PBX1: variants seen among roughly 807,000 people sequenced by gnomAD.
PBX1 encodes the protein PBX homeobox 1, also known as pre-B-cell leukemia transcription factor 1.
Under a neutral mutation model 53.4 loss-of-function variants are expected in PBX1, and 6 were observed. The ratio of observed to expected loss-of-function variants is 0.11; its 90% CI spans 0.06 to 0.22. The LOEUF (loss-of-function observed/expected upper bound fraction) is 0.22. Ranked by LOEUF, PBX1 falls within the 10% of genes least tolerant of loss-of-function variation. The pLI, the probability that PBX1 is intolerant of heterozygous loss-of-function variation, is 1.00. For synonymous variants in PBX1, 204 were observed against 212.3 expected (o/e 0.96, Z 0.34); for missense variants, 251 against 551.4 (o/e 0.46, Z 5.46).
rs183183443 is a variant in PBX1 at position 164,717,585 on chromosome 1, G to A, written c.266-74909G>A. ...GTCGGAGTATGCATTTCAGCTACTCGAGCAGGTGTGCAGTGGCTCCAGAAA... is the reference window on the plus strand; with the variant it reads ...GTCGGAGTATGCATTTCAGCTACTCAAGCAGGTGTGCAGTGGCTCCAGAAA... On this transcript the variant is annotated intron_variant, in intron 2 of 8. Transcript: ENST00000420696. Among the ~76,000 whole-genome samples the A allele has an allele frequency of 7.2e-5, 11 of 152,186 alleles. No homozygotes were observed. The East Asian group carries it at 1.5e-3, about 21-fold the overall frequency.
intron 2 of PBX1, among the ~76,000 whole-genome samples, chr1:164,653,325 A>C (rs1478414151): frequency 6.6e-6 from 1 of 150,766 alleles, no homozygotes; most frequent in Non-Finnish European, 1.5e-5. Context: ...AATACACCAC[A>C]ATTTTTTTAT....
intron 8 of PBX1, among the ~76,000 whole-genome samples, chr1:164,823,366 T>C (rs895132676): frequency 1.3e-5 from 2 of 149,586 alleles, no homozygotes; most frequent in Non-Finnish European, 3.0e-5. Context: ...CACACATGCA[T>C]TTATGTATTT....
chr1:164,710,719 T>C (rs556114538), intron 2 of PBX1, among the ~76,000 whole-genome samples: 1 of 152,288 alleles, frequency 6.6e-6, no homozygotes, highest in East Asian at 1.9e-4. Flanking sequence ...CGGTGCTGGC[T>C]TTCTTTGGTA....
At chr1:164,823,644 C>A (rs1240361746) in intron 8 of PBX1, among the ~76,000 whole-genome samples, 1 of 151,288 alleles carries the variant, frequency 6.6e-6, no homozygotes, top group Non-Finnish European at 1.5e-5. Flanking sequence ...ACTGACCCCT[C>A]TGACATCATC....
intron 4 of PBX1, among the ~76,000 whole-genome samples, chr1:164,802,028 C>T (rs1669105561): frequency 6.6e-6 from 1 of 152,182 alleles, no homozygotes; most frequent in African/African-American, 2.4e-5. Context: ...CTAAACCATG[C>T]ATCTGATGGG....
chr1:164,782,281 G>C (rs1667971917), intron 2 of PBX1, among the ~76,000 whole-genome samples: 1 of 152,134 alleles, frequency 6.6e-6, no homozygotes, highest in Admixed American at 6.5e-5. Context: ...GGTAACCCTG[G>C]CTGGAATTTG....
chr1:164,699,394 C>A (rs906025013), intron 2 of PBX1, among the ~76,000 whole-genome samples: 1 of 152,108 alleles, frequency 6.6e-6, no homozygotes, highest in Non-Finnish European at 1.5e-5. Context: ...GTTCCAGAGT[C>A]TCTGTTGCCT....
At chr1:164,663,391 A>G (rs1660626597) in intron 2 of PBX1, among the ~76,000 whole-genome samples, 1 of 151,946 alleles carries the variant, frequency 6.6e-6, no homozygotes, top group South Asian at 2.1e-4. Flanking sequence ...CAGAGTAGAA[A>G]GTATCTTAGT....
chr1:164,825,432 G>T (rs961640158), intron 8 of PBX1, among the ~76,000 whole-genome samples: 3 of 152,090 alleles, frequency 2.0e-5, no homozygotes, highest in African/African-American at 7.2e-5. Context: ...AAACATGTTC[G>T]TTGAATGAAT....
At chr1:164,718,458 A>G (rs1424297626) in intron 2 of PBX1, among the ~76,000 whole-genome samples, 1 of 152,178 alleles carries the variant, frequency 6.6e-6, no homozygotes, top group Non-Finnish European at 1.5e-5. Flanking sequence ...CCATAGGACT[A>G]ACTCTGGTAC....
chr1:164,791,246 C>A (rs568647065), intron 2 of PBX1, among the ~76,000 whole-genome samples: 1 of 152,192 alleles, frequency 6.6e-6, no homozygotes, highest in Non-Finnish European at 1.5e-5. Flanking sequence ...AAGACTGTCT[C>A]GCTCTTCTGC....
chr1:164,731,519 A>T (rs1664983435), intron 2 of PBX1, among the ~76,000 whole-genome samples: 1 of 152,184 alleles, frequency 6.6e-6, no homozygotes, highest in South Asian at 2.1e-4. Flanking sequence ...AGCAGGGACC[A>T]AGAGGTCCAC....
chr1:164,680,525 A>G (rs1016431748), intron 2 of PBX1: 3 of 152,236 alleles, frequency 2.0e-5, no homozygotes, highest in African/African-American at 7.2e-5. Context: ...CACTACTACA[A>G]TGACTGCTAC....
At chr1:164,611,093 A>G (rs1656891223) in intron 2 of PBX1, among the ~76,000 whole-genome samples, 1 of 152,026 alleles carries the variant, frequency 6.6e-6, no homozygotes, top group African/African-American at 2.4e-5. Flanking sequence ...TTGTCTCCTG[A>G]TCTGAACCCC....
intron 4 of PBX1, among the ~76,000 whole-genome samples, chr1:164,806,968 C>G (rs1571444195): frequency 6.6e-6 from 1 of 152,290 alleles, no homozygotes; most frequent in African/African-American, 2.4e-5. Context: ...GGATTCAAAA[C>G]CAAGATGGGG....
intron 2 of PBX1, among the ~76,000 whole-genome samples, chr1:164,629,933 G>A (rs912874264): frequency 6.6e-6 from 1 of 152,100 alleles, no homozygotes; most frequent in African/African-American, 2.4e-5. Context: ...TATTTTTTAT[G>A]GGCAATATTT....
chr1:164,820,516 C>T (rs1226890139), intron 7 of PBX1, among the ~76,000 whole-genome samples: 2 of 152,142 alleles, frequency 1.3e-5, no homozygotes, highest in Non-Finnish European at 2.9e-5. Flanking sequence ...CAGGATGTTA[C>T]CTCAATTTCC....
At chr1:164,802,183 T>G (rs1306097467) in intron 4 of PBX1, among the ~76,000 whole-genome samples, 1 of 152,246 alleles carries the variant, frequency 6.6e-6, no homozygotes, top group Non-Finnish European at 1.5e-5. Context: ...TGTATTAGCT[T>G]TCTATTGCTG....
At chr1:164,750,455 T>C (rs924055657) in intron 2 of PBX1, among the ~76,000 whole-genome samples, 2 of 149,910 alleles carry the variant, frequency 1.3e-5, no homozygotes, top group Non-Finnish European at 2.9e-5. Flanking sequence ...CTAAAATAAA[T>C]TCTCAATCAG....
Sources: gnomAD v4.1 joint callset for allele counts (sites outside exome capture counted in the v4.1 genomes callset) on GRCh38, gnomAD v4.1.1 for gene constraint, MANE v1.5 for transcripts, NCBI Gene and HGNC (gene_info 2026-07-23, HGNC 2026-07-21) for gene names.